The following AGBL4 variants were observed in gnomAD, a reference collection of about 807,000 sequenced individuals.
AGBL4 encodes cytosolic carboxypeptidase 6.
Under a neutral mutation model 66.4 loss-of-function variants are expected in AGBL4, and 58 were observed. The ratio of observed to expected loss-of-function variants is 0.87; its 90% confidence interval spans 0.71 to 1.09. The LOEUF (loss-of-function observed/expected upper bound fraction) is 1.09. AGBL4 is among the 50% of genes least tolerant of loss of function. The probability of loss-of-function intolerance (pLI) is 0.00; values close to 1 mark genes in which losing one functional copy is unlikely to be tolerated. For synonymous variants in AGBL4, 234 were observed against 222.9 expected (o/e 1.05, Z -0.44); for missense variants, 579 against 631.0 (o/e 0.92, Z 0.88).
chr1:49,805,728 A>G (rs1300502406), intron 2 of AGBL4, among the ~76,000 whole-genome samples: 1 of 152,164 alleles, frequency 6.6e-6, no homozygotes, highest in Non-Finnish European at 1.5e-5. Flanking sequence ...ATAAGGGTGG[A>G]TCCTTCATAG....
intron 1 of AGBL4, among the ~76,000 whole-genome samples, chr1:49,916,888 G>C (rs531474100): frequency 1.3e-5 from 2 of 152,214 alleles, no homozygotes; most frequent in Admixed American, 6.5e-5. Context: ...CGGATCTCTC[G>C]GCAGAAACCC....
intron 4 of AGBL4, among the ~76,000 whole-genome samples, chr1:49,171,442 G>T (rs983153088): frequency 2.0e-5 from 3 of 152,066 alleles, no homozygotes; most frequent in African/African-American, 7.2e-5. Flanking sequence ...AAACACTTCA[G>T]TTCCAAATGG....
intron 4 of AGBL4, among the ~76,000 whole-genome samples, chr1:49,212,588 A>G (rs964629357): frequency 5.3e-5 from 8 of 152,270 alleles, no homozygotes; most frequent in East Asian, 1.9e-4. Context: ...GTTAAGGAAA[A>G]CCTTTAATTA....
At chr1:49,071,161 C>A (rs1553150049) in intron 4 of AGBL4, among the ~76,000 whole-genome samples, 1 of 151,432 alleles carries the variant, frequency 6.6e-6, no homozygotes, top group Non-Finnish European at 1.5e-5. Context: ...TGGCTTGTGG[C>A]CTATCTATTT....
intron 4 of AGBL4, among the ~76,000 whole-genome samples, chr1:49,124,948 T>A (rs576101853): frequency 1.3e-5 from 2 of 152,332 alleles, no homozygotes; most frequent in South Asian, 4.1e-4. Context: ...TTTGCTAGTC[T>A]CTTGAGGAGT....
intron 4 of AGBL4, among the ~76,000 whole-genome samples, chr1:49,132,822 A>T (rs1343912271): frequency 6.6e-6 from 1 of 152,158 alleles, no homozygotes; most frequent in Non-Finnish European, 1.5e-5. Context: ...ATTGTGGAAG[A>T]CAGTGTGGCA....
intron 3 of AGBL4, among the ~76,000 whole-genome samples, chr1:49,372,775 T>C (rs1365700062): frequency 6.6e-6 from 1 of 151,476 alleles, no homozygotes; most frequent in Non-Finnish European, 1.5e-5. Flanking sequence ...CTTTTATTTT[T>C]TGAGACATGG....
At chr1:49,192,204 A>T (rs1031552166) in intron 4 of AGBL4, among the ~76,000 whole-genome samples, 3 of 152,162 alleles carry the variant, frequency 2.0e-5, no homozygotes, top group African/African-American at 7.2e-5. Context: ...TTCTCTGATG[A>T]TTAGTGATGT....
chr1:48,762,322 T>G (rs1644304633), intron 6 of AGBL4, among the ~76,000 whole-genome samples: 1 of 152,254 alleles, frequency 6.6e-6, no homozygotes, highest in African/African-American at 2.4e-5. Flanking sequence ...CTGTTTCTTT[T>G]TCTGCACAGA....
intron 1 of AGBL4, among the ~76,000 whole-genome samples, chr1:49,871,050 GA>G (rs904734435): frequency 6.6e-6 from 1 of 152,082 alleles, no homozygotes; most frequent in Non-Finnish European, 1.5e-5. Context: ...TATCATGGAA[GA>G]GGCGGGCATG....
At chr1:49,018,243 G>A (rs1251487059) in intron 5 of AGBL4, among the ~76,000 whole-genome samples, 1 of 152,142 alleles carries the variant, frequency 6.6e-6, no homozygotes, top group Non-Finnish European at 1.5e-5. Flanking sequence ...TCTACAGGTG[G>A]AGTCTTGTTG....
intron 1 of AGBL4, among the ~76,000 whole-genome samples, chr1:49,966,566 C>T (rs900608828): frequency 7.2e-5 from 11 of 152,050 alleles, no homozygotes; most frequent in South Asian, 2.1e-4. Flanking sequence ...AAATTTCAGA[C>T]GTCAAACCCC....
intron 4 of AGBL4, among the ~76,000 whole-genome samples, chr1:49,193,796 G>C (rs1189429768): frequency 1.3e-5 from 2 of 151,996 alleles, no homozygotes; most frequent in African/African-American, 4.8e-5. Flanking sequence ...GCCTCCCCAA[G>C]TCCTGGGATT....
chr1:49,589,861 T>C (rs1440932088), intron 3 of AGBL4, among the ~76,000 whole-genome samples: 1 of 152,048 alleles, frequency 6.6e-6, no homozygotes, highest in African/African-American at 2.4e-5. Context: ...AACTTCACCC[T>C]TCCTTATTTT....
intron 3 of AGBL4, among the ~76,000 whole-genome samples, chr1:49,591,175 A>G (rs1644744913): frequency 6.6e-6 from 1 of 152,112 alleles, no homozygotes; most frequent in African/African-American, 2.4e-5. Context: ...AGGCAACCAA[A>G]AAAACACAAA....
At chr1:48,681,875 T>C (rs1646460674) in intron 6 of AGBL4, among the ~76,000 whole-genome samples, 3 of 152,190 alleles carry the variant, frequency 2.0e-5, no homozygotes, top group African/African-American at 7.2e-5. Context: ...CAGTGTGTGA[T>C]AGGCTGAACT....
chr1:49,845,904 G>T, intron 2 of AGBL4: 2 of 1,432,028 alleles, frequency 1.4e-6, no homozygotes, highest in Non-Finnish European at 2.0e-6. Context: ...ATCCACACAG[G>T]GCAGAAGCCC....
downstream of AGBL4, among the ~76,000 whole-genome samples, chr1:48,530,963 AC>A (rs1643901820): frequency 6.6e-6 from 1 of 152,136 alleles, no homozygotes; most frequent in Non-Finnish European, 1.5e-5. Flanking sequence ...GGCGGGTTGT[AC>A]ACCTCTTGGT....
intron 5 of AGBL4, among the ~76,000 whole-genome samples, chr1:48,968,608 TAA>T (rs1198295381): frequency 1.3e-5 from 2 of 152,136 alleles, no homozygotes; most frequent in East Asian, 3.9e-4. Flanking sequence ...CTCAAATGTC[TAA>T]ACTGTTCATT....
Sources: gnomAD v4.1 joint callset for allele counts (sites outside exome capture counted in the v4.1 genomes callset) on GRCh38, gnomAD v4.1.1 for gene constraint, MANE v1.5 for transcripts, NCBI Gene and HGNC (gene_info 2026-07-23, HGNC 2026-07-21) for gene names.